Variants in IGF1 observed in about 807,000 individuals in gnomAD.
The protein encoded by IGF1 is insulin-like growth factor 1.
IGF1 carries 4 observed loss-of-function variants against 13.8 expected under a neutral mutation model. The observed-to-expected ratio is 0.29, with a 90% CI of 0.14 to 0.66. The LOEUF is 0.66. Ranked by LOEUF, IGF1 falls within the 30% of genes least tolerant of loss-of-function variation. IGF1 has a pLI of 0.78. For missense variants in IGF1, 124 were observed against 188.5 expected, an observed-to-expected ratio of 0.66 and a Z score of 2.00; for synonymous variants, 76 against 72.6, an observed-to-expected ratio of 1.05 and a Z score of -0.23.
At chr12:102,452,895 C>T (rs1456869768) in intron 2 of IGF1, among the ~76,000 whole-genome samples, 2 of 152,144 alleles carry the variant, frequency 1.3e-5, no homozygotes, top group African/African-American at 2.4e-5. Flanking sequence ...ACCTGCTTTG[C>T]TGAGCAGCCT....
In IGF1 at chr12:102,422,079, C is replaced by T. The variant is rs35437018; in HGVS notation, c.221-2389G>A. ...GTTTATCACCTTGCTTAAATGAGCT[C>T]AGAATTTGACATGACTCAGTCAAAC... is the stretch of plus-strand genomic sequence containing the variant. On this transcript the variant is annotated intron_variant, in intron 2 of 3. Transcript: ENST00000337514. 6.3e-3 allele frequency among the ~76,000 whole-genome samples: 953 copies of T among 152,228 alleles called. 6 individuals are homozygous for T. The highest frequency in any genetic ancestry group is 0.021 in the African/African-American group (885 of 41,544).
intron 2 of IGF1, among the ~76,000 whole-genome samples, chr12:102,453,446 T>G (rs1879130845): frequency 6.6e-6 from 1 of 152,226 alleles, no homozygotes; most frequent in Non-Finnish European, 1.5e-5. Context: ...ATTGAGCACT[T>G]TCTACATGCA....
intron 2 of IGF1, among the ~76,000 whole-genome samples, chr12:102,429,563 C>A: frequency 6.6e-6 from 1 of 152,180 alleles, no homozygotes; most frequent in East Asian, 1.9e-4. Context: ...TGTCTCCAAG[C>A]TAAATCATGT....
chr12:102,421,747 A>T (rs1313851028), intron 2 of IGF1, among the ~76,000 whole-genome samples: 2 of 152,228 alleles, frequency 1.3e-5, no homozygotes, highest in Admixed American at 1.3e-4. Flanking sequence ...TTCAAAATTC[A>T]TGGTTAGCCT....
At chr12:102,414,551 A>T (rs1592746498) in intron 3 of IGF1, among the ~76,000 whole-genome samples, 1 of 152,070 alleles carries the variant, frequency 6.6e-6, no homozygotes, top group South Asian at 2.1e-4. Flanking sequence ...CCTCCTGAGT[A>T]GCTGGGATTA....
intron 1 of IGF1, among the ~76,000 whole-genome samples, chr12:102,479,890 CACACACAGAGACACAT>C (rs1160347147): frequency 7.5e-4 from 114 of 151,982 alleles, no homozygotes; most frequent in Non-Finnish European, 1.3e-3. Context: ...TGATGAGTTA[CACACACAGAGACACAT>C]ACACACAGAG....
At chr12:102,428,174 C>G (rs1876381847) in intron 2 of IGF1, among the ~76,000 whole-genome samples, 1 of 137,026 alleles carries the variant, frequency 7.3e-6, no homozygotes, top group Non-Finnish European at 1.6e-5. Flanking sequence ...AGCACCCCTT[C>G]TAAAAAGATG....
At chr12:102,437,256 G>A (rs962698588) in intron 2 of IGF1, among the ~76,000 whole-genome samples, 1 of 152,198 alleles carries the variant, frequency 6.6e-6, no homozygotes, top group African/African-American at 2.4e-5. Context: ...GCCACCTCGG[G>A]ACTCTGCAGA....
chr12:102,472,388 A>C (rs553367690), intron 2 of IGF1, among the ~76,000 whole-genome samples: 14 of 152,278 alleles, frequency 9.2e-5, no homozygotes, highest in African/African-American at 3.4e-4. Context: ...GCATTACAAA[A>C]TATTTTATTC....
chr12:102,429,731 G>T lies in IGF1; in HGVS notation c.221-10041C>A, dbSNP rs548541261. 1.4e-4 allele frequency among the ~76,000 whole-genome samples: 22 copies of T among 152,228 alleles called. No individual in the cohort carries two copies. The South Asian group carries it at 3.9e-3, about 27-fold the overall frequency. ...TTCTCAGCTTATGATATTGGCAGGAGAAATCATACCCTTTCTTATTTTTCT... is the reference window on the plus strand; with the variant it reads ...TTCTCAGCTTATGATATTGGCAGGATAAATCATACCCTTTCTTATTTTTCT... On this transcript the variant is annotated intron_variant, in intron 2 of 3. Transcript: ENST00000337514.
intron 2 of IGF1, among the ~76,000 whole-genome samples, chr12:102,450,945 A>C (rs1307406201): frequency 6.6e-6 from 1 of 152,214 alleles, no homozygotes; most frequent in African/African-American, 2.4e-5. Context: ...TCTTTATAGT[A>C]GATTAGTTAT....
chr12:102,472,533 TA>T (rs1049605791), intron 2 of IGF1, among the ~76,000 whole-genome samples: 4 of 152,268 alleles, frequency 2.6e-5, no homozygotes, highest in South Asian at 2.1e-4. Context: ...CTTCTACTAC[TA>T]AAAAAATTGT....
rs971616836 is a variant in IGF1 at position 102,422,735 on chromosome 12, A to G, written c.221-3045T>C. 3.4e-4 allele frequency among the ~76,000 whole-genome samples: 51 copies of G among 152,174 alleles called. 1 individual carries two copies. The highest frequency in any genetic ancestry group is 1.2e-3 in the African/African-American group (51 of 41,428). ...TTTTAATGACTTCTAAATTATAACT[A>G]TTGTCATTTCGACTAATTTTTAAAT... is the stretch of plus-strand genomic sequence containing the variant. On this transcript the variant is annotated intron_variant, in intron 2 of 3. Coordinates refer to ENST00000337514, the MANE Select transcript of IGF1 (RefSeq NM_000618.5).
chr12:102,459,019 T>C (rs1879683174), intron 2 of IGF1, among the ~76,000 whole-genome samples: 1 of 152,064 alleles, frequency 6.6e-6, no homozygotes, highest in Non-Finnish European at 1.5e-5. Context: ...AGCAAGGCAA[T>C]AGAGAGTGGT....
rs71303538 is a variant in IGF1 at position 102,398,086 on chromosome 12, T to TAAAAAAAAAAAA, written c.*4409_*4420dup. ...AGAAATTCATAAAGACTGTATAAAG[T>TAAAAAAAAAAAA]AAAAAAAAAAAAAAAACAAAAACAA... On this transcript the variant is annotated 3_prime_UTR_variant, in exon 4 of 4. Coordinates refer to ENST00000337514, the MANE Select transcript of IGF1 (RefSeq NM_000618.5). 1 of 126,780 alleles carries TAAAAAAAAAAAA rather than the reference T, an allele frequency of 7.9e-6. No individual in the cohort carries two copies. The highest frequency in any genetic ancestry group is 3.0e-5 in the African/African-American group (1 of 33,598). 7.9% of individuals were successfully genotyped at this position (126,780 alleles called of 1,614,324 possible).
chr12:102,453,531 A>G (rs193296932), intron 2 of IGF1, among the ~76,000 whole-genome samples: 3 of 152,336 alleles, frequency 2.0e-5, no homozygotes, highest in South Asian at 2.1e-4. Flanking sequence ...TCACAGATGA[A>G]CACATTCTTA....
chr12:102,400,390 A>T lies in IGF1; in HGVS notation c.*2117T>A, dbSNP rs988376686. On this transcript the variant is annotated 3_prime_UTR_variant, in exon 4 of 4. Coordinates refer to ENST00000337514, the MANE Select transcript of IGF1 (RefSeq NM_000618.5). ...TTTCTAGGCTATGATGGACTAGTAC[A>T]CTAACCAGTGGACTTTCTTGATACC... is the stretch of plus-strand genomic sequence containing the variant. 1 of 152,156 alleles carries T rather than the reference A, an allele frequency of 6.6e-6. No individual in the cohort carries two copies. Among genetic ancestry groups the T allele is most frequent in the Non-Finnish European group, 1.5e-5 (1 of 68,026 alleles). 9.4% of individuals were successfully genotyped at this position (152,156 alleles called of 1,614,324 possible). A position where few individuals can be genotyped will look rare whatever the true frequency, so the allele number is the denominator to read the frequency against.
At chr12:102,427,625 G>A (rs1425863143) in intron 2 of IGF1, among the ~76,000 whole-genome samples, 2 of 152,182 alleles carry the variant, frequency 1.3e-5, no homozygotes, top group Non-Finnish European at 2.9e-5. Flanking sequence ...AGGATGGCAG[G>A]TGAAGGGGTG....
At chr12:102,428,034 C>T (rs911840211) in intron 2 of IGF1, among the ~76,000 whole-genome samples, 4 of 151,558 alleles carry the variant, frequency 2.6e-5, no homozygotes, top group Non-Finnish European at 4.4e-5. Context: ...GGAATAAAAA[C>T]AAGGCAATAT....
Sources: allele counts gnomAD v4.1 joint callset (sites outside exome capture counted in the v4.1 genomes callset), GRCh38; gene constraint gnomAD v4.1.1; transcripts MANE v1.5; gene names NCBI Gene and HGNC (gene_info 2026-07-23, HGNC 2026-07-21).